The following ZNF639 variants were observed in gnomAD, a reference collection of about 807,000 sequenced individuals.
ZNF639 encodes the protein zinc finger amplified in esophageal squamous cell carcinomas 1.
A neutral mutation model predicts 39.8 loss-of-function variants in ZNF639; 20 were observed. The ratio of observed to expected loss-of-function variants is 0.50; its 90% confidence interval spans 0.35 to 0.73. The LOEUF (loss-of-function observed/expected upper bound fraction) is 0.73. Ranked by LOEUF, ZNF639 falls within the 30% of genes least tolerant of loss-of-function variation. The probability of loss-of-function intolerance (pLI) is 0.00; values close to 1 mark genes in which losing one functional copy is unlikely to be tolerated. For synonymous variants in ZNF639, 176 were observed against 189.8 expected, an observed-to-expected ratio of 0.93 and a Z score of 0.60; for missense variants, 477 against 566.2, an observed-to-expected ratio of 0.84 and a Z score of 1.60.
Position 179,334,471 on chromosome 3 carries a change from C to CT in ZNF639, c.*56dup, listed in dbSNP as rs775104214. The CT allele has an allele frequency of 7.2e-6, 10 of 1,387,328 alleles. No individual in the cohort carries two copies. The highest frequency in any genetic ancestry group is 9.6e-6 in the Non-Finnish European group (10 of 1,046,470). 85.9% of individuals were successfully genotyped at this position (1,387,328 alleles called of 1,614,324 possible). A position where few individuals can be genotyped will look rare whatever the true frequency, so the allele number is the denominator to read the frequency against. On this transcript the variant is annotated 3_prime_UTR_variant, in exon 6 of 6. Transcript: ENST00000496856. ...GTTAGTTTAAAATAATAAATTCATC[C>CT]TTTTTTTGGAGATGATTAAATGGAT...
chr3:179,338,043 GC>G lies in ZNF639; in HGVS notation c.*3623del, dbSNP rs1353215623. ...GCCTCCCAAAGTGCTGGGATTACAG[GC>G]CTGAGCCACCACGCCCGGCCAGTCT... On this transcript the variant is annotated 3_prime_UTR_variant, in exon 6 of 6. Coordinates refer to ENST00000496856, the MANE Select transcript of ZNF639 (RefSeq NM_001303426.2). 26 of 152,316 alleles carry G rather than the reference GC, an allele frequency of 1.7e-4. No homozygotes were observed. The highest frequency in any genetic ancestry group is 5.5e-4 in the African/African-American group (23 of 41,562). The allele number at this position is 152,316 out of a possible 1,614,324, so 9.4% of individuals were successfully genotyped here. A position where few individuals can be genotyped will look rare whatever the true frequency, so the allele number is the denominator to read the frequency against.
chr3:179,326,940 A>G (rs1246445680), intron 1 of ZNF639, among the ~76,000 whole-genome samples: 7 of 152,126 alleles, frequency 4.6e-5, no homozygotes, highest in Admixed American at 3.9e-4. Flanking sequence ...CTGTAATCCC[A>G]GCACTTTGGG....
chr3:179,329,321 A>C (rs1031486488), intron 3 of ZNF639, among the ~76,000 whole-genome samples: 5 of 152,190 alleles, frequency 3.3e-5, no homozygotes, highest in African/African-American at 1.2e-4. Flanking sequence ...TGTTTTGTGC[A>C]GTTAATACAG....
rs1390783242 is a variant in ZNF639, at chr3:179,334,538, CTT to C, written c.*121_*122del. 2.7e-6 allele frequency: 2 copies of C among 728,790 alleles called. No homozygotes were observed. Among genetic ancestry groups the C allele is most frequent in the East Asian group, 6.4e-5 (2 of 31,420 alleles). The allele number at this position is 728,790 out of a possible 1,614,324, so 45.1% of individuals were successfully genotyped here. ...TATGAAATCTGCCTTTAACAAGTAACTTTTTTAAATTATAAAATTTTATTGGC... is the reference window on the plus strand; with the variant it reads ...TATGAAATCTGCCTTTAACAAGTAACTTTTAAATTATAAAATTTTATTGGC... On this transcript the variant is annotated 3_prime_UTR_variant, in exon 6 of 6. Coordinates refer to ENST00000496856, the MANE Select transcript of ZNF639 (RefSeq NM_001303426.2).
intron 4 of ZNF639, among the ~76,000 whole-genome samples, chr3:179,332,466 G>C (rs1251550978): frequency 6.6e-6 from 1 of 152,128 alleles, no homozygotes; most frequent in African/African-American, 2.4e-5. Context: ...CAAAAAACAA[G>C]AATTACCCGG....
At position 179,336,717 on chromosome 3, in the gene ZNF639, T is replaced by C. The variant is rs2108511691; in HGVS notation, c.*2295T>C. ...TCTCATGGGAGTGGGATCCAGGTTA[T>C]CTGGTTTACTGTCTAGTGATGTTTC... On this transcript the variant is annotated 3_prime_UTR_variant, in exon 6 of 6. Transcript: ENST00000496856. 6.6e-6 allele frequency: 1 copy of C among 152,360 alleles called. No homozygotes were observed. Among genetic ancestry groups the C allele is most frequent in the East Asian group, 1.9e-4 (1 of 5,190 alleles). 9.4% of individuals were successfully genotyped at this position (152,360 alleles called of 1,614,324 possible).
chr3:179,333,531 C>G lies in ZNF639; in HGVS notation c.567C>G (p.Ala189=), dbSNP rs553268012. Residue 189 remains alanine, a synonymous_variant, in exon 6 of 6, where the codon GCC becomes GCG. Coordinates refer to ENST00000496856, the MANE Select transcript of ZNF639 (RefSeq NM_001303426.2). ...AGAGCCAAGCTTTGAATGTGACTGC[C>G]CAGCAGAAATGGCCTTTACTGAGAG... ...LDKSQALNVT[A]QQKWPLLRAN... The G allele has an allele frequency of 1.2e-6, 2 of 1,614,082 alleles. No homozygotes were observed. Among genetic ancestry groups the G allele is most frequent in the Non-Finnish European group, 1.7e-6 (2 of 1,180,018 alleles).
intron 1 of ZNF639, among the ~76,000 whole-genome samples, chr3:179,324,549 A>T (rs1172758671): frequency 6.6e-6 from 1 of 152,226 alleles, no homozygotes; most frequent in African/African-American, 2.4e-5. Context: ...AGGCACATAA[A>T]AATGATTGCT....
At chr3:179,332,000 G>A (rs368748399) in intron 4 of ZNF639, among the ~76,000 whole-genome samples, 2 of 152,068 alleles carry the variant, frequency 1.3e-5, no homozygotes, top group East Asian at 3.9e-4. Flanking sequence ...CATTAGCAAG[G>A]CATCCTACAG....
intron 3 of ZNF639, among the ~76,000 whole-genome samples, chr3:179,328,638 T>A (rs1006771311): frequency 3.9e-5 from 6 of 152,228 alleles, no homozygotes; most frequent in Non-Finnish European, 8.8e-5. Flanking sequence ...AATTGGGATT[T>A]GCATGTCTGA....
chr3:179,332,200 A>T (rs1179061850), intron 4 of ZNF639, among the ~76,000 whole-genome samples: 1 of 152,244 alleles, frequency 6.6e-6, no homozygotes, highest in Non-Finnish European at 1.5e-5. Context: ...TAATTGTAAC[A>T]AATGTGCCAC....
intron 4 of ZNF639, among the ~76,000 whole-genome samples, chr3:179,331,056 G>T (rs1727876972): frequency 6.6e-6 from 1 of 152,162 alleles, no homozygotes; most frequent in Non-Finnish European, 1.5e-5. Flanking sequence ...CTGATTCTAG[G>T]TCTGGGGCAG....
intron 1 of ZNF639, chr3:179,325,017 TTTTCTTTC>T (rs761811903): frequency 2.6e-5 from 4 of 152,132 alleles, no homozygotes; most frequent in East Asian, 3.9e-4. Context: ...TTTTATTCTT[TTTTCTTTC>T]TTTCTTTCTT....
rs1185367040 is a variant in ZNF639 at position 179,334,892 on chromosome 3, C to T, written c.*470C>T. The stretch of plus-strand genomic sequence containing the variant: ...AATGAGAAATAACACTAGGAAGCCA[C>T]TATTACAGGAAGAAAAGATTTGGTT... On this transcript the variant is annotated 3_prime_UTR_variant, in exon 6 of 6. Transcript: ENST00000496856. The T allele has an allele frequency of 1.3e-5, 2 of 151,888 alleles. No individual in the cohort carries two copies. Among genetic ancestry groups the T allele is most frequent in the African/African-American group, 4.8e-5 (2 of 41,314 alleles). 9.4% of individuals were successfully genotyped at this position (151,888 alleles called of 1,614,324 possible).
At position 179,333,711 on chromosome 3, in the gene ZNF639, A is replaced by G. The variant is rs757895792; in HGVS notation, c.747A>G (p.Ile249Met). 5 of 1,614,070 alleles carry G rather than the reference A, an allele frequency of 3.1e-6. No individual in the cohort carries two copies. The highest frequency in any genetic ancestry group is 1.6e-4 in the Middle Eastern group (1 of 6,084). Residue 249 changes from isoleucine (I) to methionine (M), a missense_variant, in exon 6 of 6, where the codon ATA becomes ATG. By Grantham distance (10) the Ile-to-Met change is conservative. Coordinates refer to ENST00000496856, the MANE Select transcript of ZNF639 (RefSeq NM_001303426.2). The part of the protein sequence containing the change: ...KESFSTNMLL[I>M]EHAKLHEEDP... Reference sequence around the variant, plus strand: ...GTTTCTCTACCAATATGCTTCTGATAGAACATGCCAAACTGCATGAAGAGG... The same window carrying G: ...GTTTCTCTACCAATATGCTTCTGATGGAACATGCCAAACTGCATGAAGAGG...
Position 179,335,298 on chromosome 3 carries a change from C to T in ZNF639, c.*876C>T, listed in dbSNP as rs1196403570. 6.6e-6 allele frequency: 1 copy of T among 152,158 alleles called. No homozygotes were observed. Among genetic ancestry groups the T allele is most frequent in the Non-Finnish European group, 1.5e-5 (1 of 68,086 alleles). 9.4% of individuals were successfully genotyped at this position (152,158 alleles called of 1,614,324 possible). A position where few individuals can be genotyped will look rare whatever the true frequency, so the allele number is the denominator to read the frequency against. On this transcript the variant is annotated 3_prime_UTR_variant, in exon 6 of 6. Transcript: ENST00000496856. The stretch of plus-strand genomic sequence containing the variant: ...GTAGAGATGAGATCTCGCTATGTTG[C>T]CCAGGCCAGTCTCAAACTCCTGGAC...
At chr3:179,324,744 C>T (rs2108491010) in intron 1 of ZNF639, among the ~76,000 whole-genome samples, 1 of 152,282 alleles carries the variant, frequency 6.6e-6, no homozygotes, top group African/African-American at 2.4e-5. Flanking sequence ...ATTTTAATAC[C>T]ACGCTTGGTT....
intron 1 of ZNF639, among the ~76,000 whole-genome samples, chr3:179,326,772 C>T (rs1193455356): frequency 6.6e-6 from 1 of 151,694 alleles, no homozygotes; most frequent in Non-Finnish European, 1.5e-5. Flanking sequence ...ATTGCAGGTG[C>T]GCACCATCAC....
At position 179,323,093 on chromosome 3, in the gene ZNF639, AGGGGCCTGGCGCTCAGGGCGT is replaced by A; in HGVS notation, c.-275_-255del. On this transcript the variant is annotated 5_prime_UTR_variant, in exon 1 of 6. Transcript: ENST00000496856. ...GCAGTGCGGCCGCGGAGCCTAGGCCAGGGGCCTGGCGCTCAGGGCGTGGGGCGCGCGGGGAGGGAGAGGGGT... is the reference window on the plus strand; with the variant it reads ...GCAGTGCGGCCGCGGAGCCTAGGCCAGGGGCGCGCGGGGAGGGAGAGGGGT... 4.1e-6 allele frequency: 4 copies of A among 984,788 alleles called. No homozygotes were observed. Among genetic ancestry groups the A allele is most frequent in the Non-Finnish European group, 4.8e-6 (4 of 829,946 alleles). The allele number at this position is 984,788 out of a possible 1,614,324, so 61.0% of individuals were successfully genotyped here.
Sources: gnomAD v4.1 joint callset for allele counts (sites outside exome capture counted in the v4.1 genomes callset) on GRCh38, gnomAD v4.1.1 for gene constraint, MANE v1.5 for transcripts, NCBI Gene and HGNC (gene_info 2026-07-23, HGNC 2026-07-21) for gene names.